The following ASPH variants were observed in gnomAD, a reference collection of about 807,000 sequenced individuals.
ASPH encodes the protein aspartyl/asparaginyl beta-hydroxylase.
Under a neutral mutation model 118.4 loss-of-function variants are expected in ASPH, and 100 were observed. That is an observed-to-expected ratio of 0.84 (90% CI 0.72 to 1.00). The LOEUF (loss-of-function observed/expected upper bound fraction) is 1.00, where lower values mean the gene tolerates loss of function less well. Among genes scored for constraint, ASPH ranks in the 50% least tolerant of loss-of-function variants. ASPH has a pLI of 0.00. For synonymous variants in ASPH, 315 were observed against 325.6 expected (o/e 0.97, Z 0.35); for missense variants, 920 against 919.5 (o/e 1.00, Z -0.01).
intron 1 of ASPH, among the ~76,000 whole-genome samples, chr8:61,693,102 C>T (rs1833046941): frequency 1.3e-5 from 2 of 152,180 alleles, no homozygotes; most frequent in Non-Finnish European, 2.9e-5. Context: ...CCACCCCATG[C>T]TCAGGGAAGT....
chr8:61,597,634 G>C (rs1049429073), intron 14 of ASPH, among the ~76,000 whole-genome samples: 1 of 151,984 alleles, frequency 6.6e-6, no homozygotes, highest in Admixed American at 6.6e-5. Flanking sequence ...TATAAAAACA[G>C]CAAAAGAATC....
intron 13 of ASPH, among the ~76,000 whole-genome samples, chr8:61,631,436 T>C (rs1433495475): frequency 6.6e-6 from 1 of 152,202 alleles, no homozygotes; most frequent in Non-Finnish European, 1.5e-5. Flanking sequence ...CGTTTAGGTA[T>C]GTTTTCATAC....
chr8:61,575,617 T>C (rs974696364), intron 16 of ASPH, among the ~76,000 whole-genome samples: 2 of 152,164 alleles, frequency 1.3e-5, no homozygotes, highest in African/African-American at 4.8e-5. Flanking sequence ...TTGTTAATAA[T>C]TAAAAAAATC....
intron 3 of ASPH, chr8:61,668,235 T>C (rs370278677): frequency 4.4e-6 from 7 of 1,607,844 alleles, no homozygotes; most frequent in African/African-American, 1.3e-5. Flanking sequence ...TGAAAATACC[T>C]TTAGCCTTAG....
chr8:61,574,943 G>A (rs1834646447), intron 16 of ASPH, among the ~76,000 whole-genome samples: 1 of 152,148 alleles, frequency 6.6e-6, no homozygotes, highest in South Asian at 2.1e-4. Flanking sequence ...CAGCCTCCTT[G>A]ATCCTTGCTT....
intron 21 of ASPH, among the ~76,000 whole-genome samples, chr8:61,542,539 T>C (rs1822324120): frequency 6.6e-6 from 1 of 152,232 alleles, no homozygotes; most frequent in Non-Finnish European, 1.5e-5. Context: ...ACTATTATCA[T>C]ACAAATTACA....
chr8:61,574,745 G>C (rs1247332770), intron 16 of ASPH, among the ~76,000 whole-genome samples: 26 of 152,134 alleles, frequency 1.7e-4, no homozygotes, highest in Admixed American at 1.7e-3. Context: ...ACCTAACATA[G>C]GTGATGGGTT....
intron 21 of ASPH, among the ~76,000 whole-genome samples, chr8:61,534,986 G>T (rs1374156366): frequency 2.0e-5 from 3 of 152,210 alleles, no homozygotes; most frequent in Non-Finnish European, 2.9e-5. Context: ...CTCACTGTCT[G>T]CATGTGGCAT....
At chr8:61,573,499 C>T (rs139034917) in intron 16 of ASPH, among the ~76,000 whole-genome samples, 1,563 of 152,306 alleles carry the variant, frequency 0.01, 28 homozygotes, top group African/African-American at 0.035. Context: ...CAGCATTGTA[C>T]TGGTACCAAA....
At chr8:61,701,579 T>G (rs1014012852) in intron 1 of ASPH, among the ~76,000 whole-genome samples, 2 of 152,232 alleles carry the variant, frequency 1.3e-5, no homozygotes, top group African/African-American at 4.8e-5. Flanking sequence ...TGGGCTATGT[T>G]TGGATCCATG....
rs200541999 is a variant in ASPH, at chr8:61,518,018, G to A, written c.1992+14C>T. 2.3e-5 allele frequency: 37 copies of A among 1,602,138 alleles called. No homozygotes were observed. The East Asian group carries it at 5.6e-4, about 24-fold the overall frequency. Reference sequence around the variant, plus strand: ...CAATTAATTGTATTCTCCCCAGCACGACACTCTTGGTACCTGTCCTCTTCT... The same window carrying A: ...CAATTAATTGTATTCTCCCCAGCACAACACTCTTGGTACCTGTCCTCTTCT... On this transcript the variant is annotated intron_variant, in intron 23 of 24. Coordinates refer to ENST00000379454, the MANE Select transcript of ASPH (RefSeq NM_004318.4).
In ASPH at chr8:61,714,342, G is replaced by A; in HGVS notation, c.30C>T (p.Ser10=). ...CGGAGCCGCTGCTGCTGCTGTTGCC[G>A]CTGCTCTTGGCATTCTTACGCTGGG... MAQRKNAKS[S]GNSSSSGSGS... The change falls in exon 1 of 25, where the codon AGC becomes AGT. Residue 10 remains serine (S), a synonymous_variant. Coordinates refer to ENST00000379454, the MANE Select transcript of ASPH (RefSeq NM_004318.4). The A allele has an allele frequency of 6.6e-7, 1 of 1,517,194 alleles. No homozygotes were observed. The highest frequency in any genetic ancestry group is 8.8e-7 in the Non-Finnish European group (1 of 1,133,212). 94.0% of individuals were successfully genotyped at this position (1,517,194 alleles called of 1,614,324 possible).
chr8:61,613,696 A>G (rs1197987825), intron 14 of ASPH, among the ~76,000 whole-genome samples: 2 of 152,204 alleles, frequency 1.3e-5, no homozygotes, highest in African/African-American at 4.8e-5. Context: ...AAGAAATGGG[A>G]GTGATAAAAG....
intron 3 of ASPH, among the ~76,000 whole-genome samples, chr8:61,665,894 C>G (rs1291837456): frequency 6.6e-6 from 1 of 152,000 alleles, no homozygotes; most frequent in African/African-American, 2.4e-5. Flanking sequence ...ATTGAGGGCA[C>G]CACGAAGGCA....
chr8:61,577,455 G>T (rs1835712567), intron 15 of ASPH, among the ~76,000 whole-genome samples: 1 of 139,594 alleles, frequency 7.2e-6, no homozygotes, highest in Non-Finnish European at 1.5e-5. Flanking sequence ...TGTAATATGT[G>T]GTTTTGCTAA....
intron 3 of ASPH, chr8:61,659,459 T>TACA (rs1319214648): frequency 6.6e-6 from 1 of 152,206 alleles, no homozygotes; most frequent in East Asian, 1.9e-4. Flanking sequence ...CTATGATGTA[T>TACA]GCATACCTGA....
intron 1 of ASPH, 181 bp from the exon 2 acceptor site, chr8:61,684,369 T>C: frequency 1.5e-6 from 1 of 654,008 alleles, no homozygotes. Flanking sequence ...AAAGATTGTT[T>C]AGATGCAACA....
At chr8:61,620,043 TA>T (rs1192122174) in intron 13 of ASPH, among the ~76,000 whole-genome samples, 1 of 152,234 alleles carries the variant, frequency 6.6e-6, no homozygotes, top group African/African-American at 2.4e-5. Flanking sequence ...TTCATTCATA[TA>T]AAACATTTCA....
intron 21 of ASPH, among the ~76,000 whole-genome samples, chr8:61,535,787 A>G (rs535123596): frequency 6.6e-6 from 1 of 152,340 alleles, no homozygotes; most frequent in East Asian, 1.9e-4. Context: ...TAAGACGAGT[A>G]GCAGTGTAAT....
Sources: allele counts gnomAD v4.1 joint callset (sites outside exome capture counted in the v4.1 genomes callset), GRCh38; gene constraint gnomAD v4.1.1; transcripts MANE v1.5; gene names NCBI Gene and HGNC (gene_info 2026-07-23, HGNC 2026-07-21).